SRFBP1: variants seen among roughly 807,000 people sequenced by gnomAD.
The protein encoded by SRFBP1 is serum response factor-binding protein 1.
In SRFBP1, 47 loss-of-function variants were observed where a neutral mutation model predicts 45.5. The observed-to-expected ratio is 1.03, with a 90% CI of 0.82 to 1.32. The LOEUF (loss-of-function observed/expected upper bound fraction) is 1.32. SRFBP1 is among the 40% of genes most tolerant of loss of function. SRFBP1 has a pLI of 0.00. For synonymous variants in SRFBP1, 203 were observed against 166.3 expected, an observed-to-expected ratio of 1.22 and a Z score of -1.70; for missense variants, 621 against 484.6, an observed-to-expected ratio of 1.28 and a Z score of -2.64.
intron 2 of SRFBP1, among the ~76,000 whole-genome samples, chr5:122,053,589 A>G (rs775411760): frequency 2.0e-5 from 3 of 151,656 alleles, no homozygotes; most frequent in Non-Finnish European, 4.4e-5. Flanking sequence ...TCCTGGGGCA[A>G]TAGGAGGCTG....
Position 122,070,578 on chromosome 5 carries a change from A to G in SRFBP1, n.312-4737A>G, listed in dbSNP as rs766710805. The G allele has an allele frequency of 8.2e-6, 13 of 1,589,874 alleles. No homozygotes were observed. Among genetic ancestry groups the G allele is most frequent in the Middle Eastern group, 1.7e-4 (1 of 5,944 alleles). ...CTGCACCATAGGTATCATAACAGCC[A>G]GGACTCAATCCCTAAGATAAACAAA... On this transcript the variant is annotated intron_variant and non_coding_transcript_variant, in intron 2 of 2. Coordinates refer to the SRFBP1 transcript ENST00000504881.
At chr5:121,981,979 C>A (rs76793946) in intron 3 of SRFBP1, among the ~76,000 whole-genome samples, 1 of 150,988 alleles carries the variant, frequency 6.6e-6, no homozygotes, top group African/African-American at 2.4e-5. Context: ...TTTTTTTTTA[C>A]ATGTTGGCAC....
intron 4 of SRFBP1, among the ~76,000 whole-genome samples, chr5:122,006,457 CT>C (rs1366922998): frequency 6.6e-6 from 1 of 151,502 alleles, no homozygotes; most frequent in East Asian, 1.9e-4. Flanking sequence ...GAAATTTTTT[CT>C]GATATTATTT....
At chr5:122,029,467 G>C (rs572101437), downstream of SRFBP1, among the ~76,000 whole-genome samples, 5 of 152,272 alleles carry the variant, frequency 3.3e-5, no homozygotes, top group South Asian at 2.1e-4. Context: ...CATGCAGGTT[G>C]ATCTTCCACT....
chr5:122,051,123 G>C (rs1040159155), intron 2 of SRFBP1, among the ~76,000 whole-genome samples: 2 of 152,084 alleles, frequency 1.3e-5, no homozygotes, highest in Non-Finnish European at 2.9e-5. Flanking sequence ...AGTATGGTTA[G>C]TATGATTCTA....
chr5:122,023,787 A>G (rs965419436), intron 7 of SRFBP1, among the ~76,000 whole-genome samples: 1 of 152,132 alleles, frequency 6.6e-6, no homozygotes, highest in Non-Finnish European at 1.5e-5. Context: ...CTTTCACTAT[A>G]CACCTCCTCA....
chr5:122,070,662 TGCAA>T, intron 2 of SRFBP1: 2 of 764,954 alleles, frequency 2.6e-6, no homozygotes, highest in Non-Finnish European at 4.3e-6. Context: ...TGCTATTATT[TGCAA>T]ATTAAATTTT....
intron 2 of SRFBP1, among the ~76,000 whole-genome samples, chr5:122,057,885 C>T (rs1184729823): frequency 2.0e-5 from 3 of 151,938 alleles, no homozygotes; most frequent in Non-Finnish European, 2.9e-5. Context: ...TTCAGAGTTG[C>T]CCATGCTGGT....
intron 1 of SRFBP1, among the ~76,000 whole-genome samples, chr5:121,968,214 A>G (rs915085923): frequency 1.5e-5 from 2 of 136,160 alleles, no homozygotes; most frequent in East Asian, 4.5e-4. Context: ...ATAGTACCAA[A>G]CTCTGTCATT....
At chr5:122,030,749 AT>A (rs1274403294), downstream of SRFBP1, among the ~76,000 whole-genome samples, 1 of 152,004 alleles carries the variant, frequency 6.6e-6, no homozygotes, top group Non-Finnish European at 1.5e-5. Context: ...GGGAATTTCT[AT>A]TGCTTTTTTT....
chr5:121,985,757 T>C (rs1752504760), intron 3 of SRFBP1, among the ~76,000 whole-genome samples: 1 of 151,968 alleles, frequency 6.6e-6, no homozygotes, highest in South Asian at 2.1e-4. Context: ...ACTTATGGTA[T>C]ACCTGAGAAG....
intron 3 of SRFBP1, among the ~76,000 whole-genome samples, chr5:121,987,489 T>C (rs1404273939): frequency 6.6e-6 from 1 of 152,166 alleles, no homozygotes; most frequent in Non-Finnish European, 1.5e-5. Context: ...CACTGAAAGG[T>C]AATCATAATG....
chr5:121,989,991 C>T lies in SRFBP1; in HGVS notation c.199-4608C>T, dbSNP rs1317510369. 3.3e-5 allele frequency among the ~76,000 whole-genome samples: 5 copies of T among 152,208 alleles called. No individual in the cohort carries two copies. The East Asian group carries it at 9.7e-4, about 29-fold the overall frequency. The stretch of plus-strand genomic sequence containing the variant: ...ATTTGAATTTTTTCCTAATAAGAGA[C>T]TTTACTGATTTTATTTTTCCTCTCT... On this transcript the variant is annotated intron_variant, in intron 3 of 7. Transcript: ENST00000339397.
chr5:121,975,679 A>G (rs1033449491), intron 3 of SRFBP1, among the ~76,000 whole-genome samples: 4 of 151,928 alleles, frequency 2.6e-5, no homozygotes, highest in African/African-American at 7.2e-5. Context: ...TTTTATTTTT[A>G]CTGTAACTTT....
At chr5:122,040,210 T>C (rs563697424) in intron 2 of SRFBP1, among the ~76,000 whole-genome samples, 19 of 152,302 alleles carry the variant, frequency 1.2e-4, no homozygotes, top group Admixed American at 2.6e-4. Flanking sequence ...CATCTCTTTT[T>C]GTTATTCTCT....
intron 3 of SRFBP1, among the ~76,000 whole-genome samples, chr5:121,982,152 C>G (rs1296722345): frequency 6.6e-6 from 1 of 151,912 alleles, no homozygotes; most frequent in East Asian, 1.9e-4. Context: ...TAGCCAATGC[C>G]CTGAGACCAT....
intron 1 of SRFBP1, among the ~76,000 whole-genome samples, chr5:121,962,770 G>A (rs899388441): frequency 3.3e-5 from 5 of 152,098 alleles, no homozygotes; most frequent in African/African-American, 9.7e-5. Context: ...ACAAAATAAT[G>A]TCATCCAAAG....
chr5:122,013,618 A>G (rs186796868), intron 4 of SRFBP1, among the ~76,000 whole-genome samples: 3 of 152,272 alleles, frequency 2.0e-5, no homozygotes, highest in African/African-American at 7.2e-5. Flanking sequence ...ACAAAGCAAG[A>G]TTTATGGACA....
At chr5:122,077,257 G>T (rs1420261698), downstream of SRFBP1, 2 of 1,556,170 alleles carry the variant, frequency 1.3e-6, no homozygotes, top group African/African-American at 2.7e-5. This position sits in a 1 kb window ranked among gnomAD's most constrained non-coding sequence, Gnocchi z 4.9. Context: ...TCGGATCTGC[G>T]AGGACCGGGG....
Sources: allele counts gnomAD v4.1 joint callset (sites outside exome capture counted in the v4.1 genomes callset), GRCh38; gene constraint gnomAD v4.1.1; non-coding constraint Gnocchi (gnomAD v3.1); transcripts MANE v1.5; gene names NCBI Gene and HGNC (gene_info 2026-07-23, HGNC 2026-07-21).